Variants in TNC observed in about 807,000 individuals in gnomAD.
TNC encodes the protein tenascin.
In TNC, 109 loss-of-function variants were observed where a neutral mutation model predicts 202.4. That is an observed-to-expected ratio of 0.54 (90% confidence interval 0.46 to 0.63). TNC has a LOEUF of 0.63. Ranked by LOEUF, TNC falls within the 30% of genes least tolerant of loss-of-function variation. The pLI, the probability that TNC is intolerant of heterozygous loss-of-function variation, is 0.00. For missense variants in TNC, 2,756 were observed against 2,833.3 expected (o/e 0.97, Z 0.62); for synonymous variants, 1,007 against 1,089.7 (o/e 0.92, Z 1.50).
At chr9:115,108,294 G>A (rs1044088908) in intron 1 of TNC, among the ~76,000 whole-genome samples, 6 of 152,206 alleles carry the variant, frequency 3.9e-5, no homozygotes, top group African/African-American at 1.4e-4. Flanking sequence ...TTTTTAGGTA[G>A]ATGTCCTATG....
At chr9:115,052,524 T>A in intron 15 of TNC, among the ~76,000 whole-genome samples, 1 of 149,958 alleles carries the variant, frequency 6.7e-6, no homozygotes, top group Non-Finnish European at 1.5e-5. Context: ...GTGAGGTGAT[T>A]GATATGTTAA....
At chr9:115,116,025 C>A (rs917184593) in intron 1 of TNC, among the ~76,000 whole-genome samples, 1 of 152,114 alleles carries the variant, frequency 6.6e-6, no homozygotes, top group African/African-American at 2.4e-5. Flanking sequence ...ATTTATTGAA[C>A]CCTTAATATG....
chr9:115,068,276 T>C (rs1223886021), intron 10 of TNC, among the ~76,000 whole-genome samples: 1 of 152,210 alleles, frequency 6.6e-6, no homozygotes, highest in Non-Finnish European at 1.5e-5. Context: ...CCTTGAACAA[T>C]GTCAGTGGGC....
intron 26 of TNC, among the ~76,000 whole-genome samples, chr9:115,025,106 C>T (rs1481664818): frequency 6.6e-6 from 1 of 152,174 alleles, no homozygotes; most frequent in African/African-American, 2.4e-5. Context: ...CAAACGTTAT[C>T]TCAGTAAAGG....
At position 115,059,772 on chromosome 9, in the gene TNC, G is replaced by A. The variant is rs765454886; in HGVS notation, c.4264C>T (p.Arg1422Trp). Residue 1422 changes from arginine (R) to tryptophan (W), a missense_variant, in exon 14 of 28, where the codon CGG becomes TGG. Physicochemically the swap from Arg to Trp is moderately radical, Grantham distance 101. This residue lies in a region of TNC where 2,559 missense variants were observed against 2,546.0 expected (regional missense o/e 1.01). Coordinates refer to ENST00000350763, the MANE Select transcript of TNC (RefSeq NM_002160.4). ...PYRVSIYGVIRGYRTPVLSAE... is the reference protein window; with the variant it reads ...PYRVSIYGVIWGYRTPVLSAE... The stretch of plus-strand genomic sequence containing the variant: ...GAGAGTACTGGTGTTCTATAGCCCC[G>A]GATCACCCCATAGATGGAGACTCTA... 8 of 1,613,688 alleles carry A rather than the reference G, an allele frequency of 5.0e-6. No homozygotes were observed. Among genetic ancestry groups the A allele is most frequent in the South Asian group, 2.2e-5 (2 of 91,064 alleles).
chr9:115,048,246 T>C lies in TNC; in HGVS notation c.4852+14A>G, dbSNP rs367690834. The C allele has an allele frequency of 1.2e-6, 2 of 1,609,626 alleles. No individual in the cohort carries two copies. The highest frequency in any genetic ancestry group is 3.4e-5 in the Admixed American group (2 of 59,644). ...CCAGGAAGAGGAACAAATGGCTCAC[T>C]TGATTTGAAATACCTGTAACAATCT... On this transcript the variant is annotated intron_variant, in intron 16 of 27. Transcript: ENST00000350763.
At chr9:115,065,273 G>GT (rs1695880777) in intron 10 of TNC, among the ~76,000 whole-genome samples, 1 of 152,082 alleles carries the variant, frequency 6.6e-6, no homozygotes, top group Admixed American at 6.5e-5. Flanking sequence ...GTGGGCACCT[G>GT]TAATCCCAGC....
At chr9:115,036,024 G>T in intron 21 of TNC, 74 bp downstream of exon 21, 1 of 1,565,112 alleles carries the variant, frequency 6.4e-7, no homozygotes, top group Non-Finnish European at 8.7e-7. Flanking sequence ...ACTGGCTAGC[G>T]GTTCCTGTTT....
chr9:115,077,886 A>G (rs1833997227), intron 7 of TNC, 57 bp downstream of exon 7: 2 of 1,555,006 alleles, frequency 1.3e-6, no homozygotes, highest in East Asian at 4.5e-5. Context: ...ATGGAGTGGG[A>G]TGGAAATCTT....
At chr9:115,057,656 G>A (rs539055819) in intron 14 of TNC, among the ~76,000 whole-genome samples, 2 of 152,250 alleles carry the variant, frequency 1.3e-5, no homozygotes, top group Admixed American at 6.5e-5. Flanking sequence ...TTCTCTACAT[G>A]CAGTTGCCAC....
chr9:115,040,875 T>G, intron 19 of TNC, 66 bp downstream of exon 19: 3 of 1,526,562 alleles, frequency 2.0e-6, no homozygotes, highest in South Asian at 2.6e-5. Flanking sequence ...AGAAATGGCA[T>G]AGGATGCACA....
intron 15 of TNC, among the ~76,000 whole-genome samples, chr9:115,054,852 C>T (rs1831982599): frequency 6.6e-6 from 1 of 152,174 alleles, no homozygotes; most frequent in African/African-American, 2.4e-5. Context: ...GAGCCTGAGA[C>T]TTTGTGACAG....
chr9:115,063,657 T>C (rs1028761335), intron 12 of TNC, 139 bp downstream of exon 12: 2 of 974,356 alleles, frequency 2.1e-6, no homozygotes. Flanking sequence ...ATGTGACATT[T>C]AGGAAGAAGC....
intron 15 of TNC, among the ~76,000 whole-genome samples, chr9:115,052,375 A>T (rs1163403085): frequency 6.6e-6 from 1 of 151,944 alleles, no homozygotes; most frequent in Non-Finnish European, 1.5e-5. Context: ...AATAAGTTTT[A>T]GTGATCTACT....
At chr9:115,077,298 C>T (rs577102425) in intron 7 of TNC, among the ~76,000 whole-genome samples, 93 of 150,712 alleles carry the variant, frequency 6.2e-4, no homozygotes, top group Non-Finnish European at 1.2e-3. Context: ...CCTCGTGATT[C>T]GCCCGCCTTG....
intron 23 of TNC, 47 bp downstream of exon 23, chr9:115,031,506 A>C (rs1173268545): frequency 7.6e-6 from 11 of 1,453,678 alleles, no homozygotes; most frequent in Middle Eastern, 1.9e-4. Flanking sequence ...GGGTTGATTC[A>C]GTCAAAGTTA....
chr9:115,098,139 C>T (rs1835935470), intron 1 of TNC, among the ~76,000 whole-genome samples: 1 of 152,138 alleles, frequency 6.6e-6, no homozygotes, highest in South Asian at 2.1e-4. Flanking sequence ...AAATGTTAAG[C>T]TTTAATCTTA....
chr9:115,096,536 C>A (rs1005653430), intron 1 of TNC, among the ~76,000 whole-genome samples: 1 of 152,072 alleles, frequency 6.6e-6, no homozygotes, highest in Non-Finnish European at 1.5e-5. Context: ...AGACTCAAAG[C>A]GATCAAGAAG....
intron 23 of TNC, 60 bp downstream of exon 23, chr9:115,031,493 C>T: frequency 7.0e-7 from 1 of 1,426,918 alleles, no homozygotes; most frequent in Non-Finnish European, 9.2e-7. Flanking sequence ...AAGGGGAAGT[C>T]AAGGGTTGAT....
Sources: gnomAD v4.1 joint callset for allele counts (sites outside exome capture counted in the v4.1 genomes callset) on GRCh38, gnomAD v4.1.1 for gene constraint, gnomAD v4.1.1 regional missense constraint, MANE v1.5 for transcripts, NCBI Gene and HGNC (gene_info 2026-07-23, HGNC 2026-07-21) for gene names.